Variants in FSD1 observed in about 807,000 individuals in gnomAD.
FSD1 encodes the protein fibronectin type III and SPRY domain-containing protein 1.
In FSD1, 23 loss-of-function variants were observed where a neutral mutation model predicts 58.2. That is an observed-to-expected ratio of 0.40 (90% CI 0.28 to 0.56). The LOEUF (loss-of-function observed/expected upper bound fraction) is 0.56. FSD1 is among the 20% of genes least tolerant of loss of function. The probability of loss-of-function intolerance (pLI) is 0.54; values close to 1 mark genes in which losing one functional copy is unlikely to be tolerated. For synonymous variants in FSD1, 265 were observed against 263.4 expected (o/e 1.01, Z -0.06); for missense variants, 563 against 670.8 (o/e 0.84, Z 1.78).
At chr19:4,308,489 G>A (rs905606616) in intron 4 of FSD1, among the ~76,000 whole-genome samples, 1 of 152,026 alleles carries the variant, frequency 6.6e-6, no homozygotes, top group Non-Finnish European at 1.5e-5. Flanking sequence ...TTGGGAGGCC[G>A]AGGCAGGAGG....
chr19:4,310,337 C>T, intron 5 of FSD1, 42 bp downstream of exon 5: 1 of 1,613,442 alleles, frequency 6.2e-7, no homozygotes, highest in Non-Finnish European at 8.5e-7. Context: ...TACCCTGCCC[C>T]TGGTGTGAAG....
chr19:4,314,401 C>T (rs570273235), intron 7 of FSD1, among the ~76,000 whole-genome samples: 155 of 151,476 alleles, frequency 1.0e-3, no homozygotes, highest in African/African-American at 3.7e-3. Flanking sequence ...GTTGCCAAAA[C>T]AACTAAAACA....
chr19:4,312,396 C>T (rs558976390), intron 7 of FSD1, among the ~76,000 whole-genome samples: 1 of 152,110 alleles, frequency 6.6e-6, no homozygotes, highest in East Asian at 1.9e-4. Flanking sequence ...GAGGCTAAGG[C>T]GGGAGAATTG....
At chr19:4,318,675 A>G (rs1290708509) in intron 9 of FSD1, among the ~76,000 whole-genome samples, 170 bp downstream of exon 9, 1 of 152,162 alleles carries the variant, frequency 6.6e-6, no homozygotes, top group East Asian at 1.9e-4. Flanking sequence ...ATGGTTAAAT[A>G]GGAGTTTCCC....
In FSD1 at chr19:4,323,271, C is replaced by T. The variant is rs1971724716; in HGVS notation, c.1291+34C>T. ...AAGCCCCAGCTGCCGTCTCTGGCTG[C>T]CCCTGCCTGAGTCCCCTCCGTCTGC... is the stretch of plus-strand genomic sequence containing the variant. On this transcript the variant is annotated intron_variant, in intron 11 of 12. Coordinates refer to ENST00000221856, the MANE Select transcript of FSD1 (RefSeq NM_024333.3). This position sits in a 1 kb window ranked among gnomAD's most constrained non-coding sequence, Gnocchi z 7.7. 6.2e-7 allele frequency: 1 copy of T among 1,606,670 alleles called. No individual in the cohort carries two copies. Among genetic ancestry groups the T allele is most frequent in the Non-Finnish European group, 8.5e-7 (1 of 1,178,314 alleles).
chr19:4,313,372 A>G (rs1008039915), intron 7 of FSD1, among the ~76,000 whole-genome samples: 1 of 151,438 alleles, frequency 6.6e-6, no homozygotes, highest in East Asian at 1.9e-4. Flanking sequence ...TAAAGAAAAA[A>G]AAAAACAAAA....
In FSD1 at chr19:4,323,686, G is replaced by A. The variant is rs202010706; in HGVS notation, c.*43G>A. 130 of 1,387,374 alleles carry A rather than the reference G, an allele frequency of 9.4e-5. No individual in the cohort carries two copies. Among genetic ancestry groups the A allele is most frequent in the East Asian group, 5.0e-4 (21 of 41,874 alleles). 85.9% of individuals were successfully genotyped at this position (1,387,374 alleles called of 1,614,324 possible). ...CAGCTGGGGTGTTTTTGGGGGAGTC[G>A]CCGCCAAGCCCAGGCTGCTGGAGCC... On this transcript the variant is annotated 3_prime_UTR_variant, in exon 13 of 13. Transcript: ENST00000221856. This position sits in a 1 kb window ranked among gnomAD's most constrained non-coding sequence, Gnocchi z 7.7.
chr19:4,310,609 C>A lies in FSD1; in HGVS notation c.490+13C>A, dbSNP rs377103581. On this transcript the variant is annotated intron_variant, in intron 6 of 12. Transcript: ENST00000221856. The stretch of plus-strand genomic sequence containing the variant: ...AAGTTCCTGCCTGGTGAGAGGGGCA[C>A]GCACTAGAGGGCCAGGACTTCCGGG... 1.9e-6 allele frequency: 3 copies of A among 1,610,006 alleles called. No individual in the cohort carries two copies. Among genetic ancestry groups the A allele is most frequent in the Non-Finnish European group, 2.5e-6 (3 of 1,179,072 alleles).
At position 4,307,903 on chromosome 19, in the gene FSD1, C is replaced by T. The variant is rs145440493; in HGVS notation, c.265C>T (p.Arg89Trp). 2.8e-5 allele frequency: 45 copies of T among 1,613,438 alleles called. No individual in the cohort carries two copies. The highest frequency in any genetic ancestry group is 1.0e-4 in the Admixed American group (6 of 59,940). ...ACAGAACCAGCTGGCTGCCTGCACG[C>T]GGGCCCTGGAGAGCTCCGAGGAGCT... ...ELQNQLAACTRALESSEELLE... is the reference protein window; with the variant it reads ...ELQNQLAACTWALESSEELLE... Residue 89 changes from arginine (R) to tryptophan (W), a missense_variant, in exon 4 of 13, where the codon CGG becomes TGG. By Grantham distance (101) the Arg-to-Trp change is moderately radical. Transcript: ENST00000221856.
At chr19:4,309,707 A>G (rs891346703) in intron 4 of FSD1, among the ~76,000 whole-genome samples, 2 of 150,974 alleles carry the variant, frequency 1.3e-5, no homozygotes, top group African/African-American at 4.9e-5. Context: ...CAGGAGATCA[A>G]GACAAGCCTG....
At position 4,312,055 on chromosome 19, in the gene FSD1, A is replaced by C. The variant is rs927325003; in HGVS notation, c.700+4A>C. 6.3e-7 allele frequency: 1 copy of C among 1,598,502 alleles called. No individual in the cohort carries two copies. The highest frequency in any genetic ancestry group is 1.3e-5 in the African/African-American group (1 of 74,808). ...CAGACAGAGTACACCCTGACAGGTAAGGGCAGTGTGTGCCAGCTCCGCCCA... is the reference window on the plus strand; with the variant it reads ...CAGACAGAGTACACCCTGACAGGTACGGGCAGTGTGTGCCAGCTCCGCCCA... On this transcript the variant is annotated splice_donor_region_variant and intron_variant, in intron 7 of 12. Coordinates refer to ENST00000221856, the MANE Select transcript of FSD1 (RefSeq NM_024333.3).
chr19:4,310,333 G>GC, intron 5 of FSD1, 38 bp downstream of exon 5: 1 of 1,613,520 alleles, frequency 6.2e-7, no homozygotes, highest in Non-Finnish European at 8.5e-7. Context: ...CCACTACCCT[G>GC]CCCCTGGTGT....
intron 10 of FSD1, among the ~76,000 whole-genome samples, chr19:4,321,984 A>C (rs1438397304): frequency 6.8e-6 from 1 of 146,356 alleles, no homozygotes; most frequent in Admixed American, 6.9e-5. Context: ...GATCCCGAGG[A>C]GTATCTGGGA....
At chr19:4,305,809 T>C (rs1277588141) in intron 1 of FSD1, 137 bp from the exon 2 acceptor site, 7 of 685,142 alleles carry the variant, frequency 1.0e-5, no homozygotes, top group Non-Finnish European at 1.8e-5. Flanking sequence ...TGTGTGTGCA[T>C]GTGTGTGCGC....
intron 10 of FSD1, among the ~76,000 whole-genome samples, chr19:4,320,042 G>A (rs1248546845): frequency 6.6e-6 from 1 of 152,052 alleles, no homozygotes; most frequent in Non-Finnish European, 1.5e-5. Flanking sequence ...TGAAGCCAAG[G>A]GGTATCCCAA....
In FSD1 at chr19:4,310,424, G is replaced by A. The variant is rs76786296; in HGVS notation, c.369-51G>A. ...CTGGGGAGGGGCCCCCTCGCGCCACGGATGACCAGGCCTGGTCCCCCACGC... is the reference window on the plus strand; with the variant it reads ...CTGGGGAGGGGCCCCCTCGCGCCACAGATGACCAGGCCTGGTCCCCCACGC... On this transcript the variant is annotated intron_variant, in intron 5 of 12. Coordinates refer to ENST00000221856, the MANE Select transcript of FSD1 (RefSeq NM_024333.3). 2.6e-3 allele frequency: 4,218 copies of A among 1,604,370 alleles called. 91 individuals are homozygous for A. In the African/African-American group the frequency reaches 0.047, roughly 18 times the overall value.
chr19:4,312,678 A>C (rs1297206722), intron 7 of FSD1, among the ~76,000 whole-genome samples: 2 of 151,596 alleles, frequency 1.3e-5, no homozygotes, highest in Non-Finnish European at 2.9e-5. Context: ...GGCGGTGTGC[A>C]CCTGTAGTCC....
At chr19:4,306,146 A>G (rs1479201852) in intron 2 of FSD1, 52 bp from the exon 3 acceptor site, 4 of 1,613,108 alleles carry the variant, frequency 2.5e-6, no homozygotes, top group South Asian at 2.2e-5. Flanking sequence ...GGGAGGTCTC[A>G]GGTTCCCTCT....
intron 1 of FSD1, among the ~76,000 whole-genome samples, chr19:4,305,255 C>T (rs887396349): frequency 5.3e-5 from 8 of 149,906 alleles, no homozygotes; most frequent in African/African-American, 9.9e-5. Context: ...TTACCTGGCG[C>T]CCCCGCATCC....
Sources: allele counts gnomAD v4.1 joint callset (sites outside exome capture counted in the v4.1 genomes callset), GRCh38; gene constraint gnomAD v4.1.1; non-coding constraint Gnocchi (gnomAD v3.1); transcripts MANE v1.5; gene names NCBI Gene and HGNC (gene_info 2026-07-23, HGNC 2026-07-21).